The following PSIP1 variants were observed in gnomAD, a reference collection of about 807,000 sequenced individuals.
PSIP1 encodes the protein PC4 and SFRS1-interacting protein.
A neutral mutation model predicts 74.7 loss-of-function variants in PSIP1; 19 were observed. That is an observed-to-expected ratio of 0.25 (90% CI 0.18 to 0.37). The LOEUF (loss-of-function observed/expected upper bound fraction) is 0.37, where lower values mean the gene tolerates loss of function less well. PSIP1 is among the 10% of genes least tolerant of loss of function. The probability of loss-of-function intolerance (pLI) is 1.00; values close to 1 mark genes in which losing one functional copy is unlikely to be tolerated. For synonymous variants in PSIP1, 222 were observed against 195.3 expected, an observed-to-expected ratio of 1.14 and a Z score of -1.14; for missense variants, 601 against 614.3, an observed-to-expected ratio of 0.98 and a Z score of 0.23.
chr9:15,510,096 C>G (rs1229504283), intron 2 of PSIP1, 21 bp downstream of exon 2: 6 of 1,596,862 alleles, frequency 3.8e-6, no homozygotes, highest in African/African-American at 1.4e-5. Flanking sequence ...CTGCTAAGCG[C>G]GAGGGCTACA....
rs2037595696 is a variant in PSIP1 at position 15,506,541 on chromosome 9, T to A, written c.149+20A>T. 6.4e-7 allele frequency: 1 copy of A among 1,566,230 alleles called. No homozygotes were observed. Among genetic ancestry groups the A allele is most frequent in the South Asian group, 1.1e-5 (1 of 89,722 alleles). ...CTGTTAAATTAGCTCTGATTTGCCTTTAAAGCTAACAGGACTTACGTCTCA... is the reference window on the plus strand; with the variant it reads ...CTGTTAAATTAGCTCTGATTTGCCTATAAAGCTAACAGGACTTACGTCTCA... On this transcript the variant is annotated intron_variant, in intron 3 of 15. Coordinates refer to ENST00000380733, the MANE Select transcript of PSIP1 (RefSeq NM_033222.5).
intron 3 of PSIP1, among the ~76,000 whole-genome samples, chr9:15,496,737 T>C (rs2037092673): frequency 6.6e-6 from 1 of 152,242 alleles, no homozygotes; most frequent in Non-Finnish European, 1.5e-5. Context: ...AATAACTATG[T>C]TCTTCCAACT....
In PSIP1 at chr9:15,479,694, T is replaced by C. The variant is rs760231663; in HGVS notation, c.457-7A>G. 17 of 1,607,028 alleles carry C rather than the reference T, an allele frequency of 1.1e-5. No individual in the cohort carries two copies. In the East Asian group the frequency reaches 3.6e-4, roughly 34 times the overall value. The stretch of plus-strand genomic sequence containing the variant: ...TTTCTACTTGTTTTTCTGCCTGAAT[T>C]ACAAAAATTTAATTAACTTATTTAG... On this transcript the variant is annotated splice_region_variant and splice_polypyrimidine_tract_variant and intron_variant, in intron 6 of 15. Transcript: ENST00000380733.
chr9:15,500,782 AG>A (rs1347297938), intron 3 of PSIP1, among the ~76,000 whole-genome samples: 1 of 152,226 alleles, frequency 6.6e-6, no homozygotes, highest in East Asian at 1.9e-4. Flanking sequence ...AGCAGTAAGG[AG>A]GAAAAAACAG....
At chr9:15,483,769 G>C (rs116350549) in intron 6 of PSIP1, among the ~76,000 whole-genome samples, 1 of 152,110 alleles carries the variant, frequency 6.6e-6, no homozygotes, top group African/African-American at 2.4e-5. Context: ...TAAGGAAGGC[G>C]GATCACAAGG....
At chr9:15,466,714 A>G (rs779475899) in intron 15 of PSIP1, 34 bp downstream of exon 15, 2 of 1,514,568 alleles carry the variant, frequency 1.3e-6, no homozygotes, top group Non-Finnish European at 1.8e-6. Context: ...GAATAATAAA[A>G]AACACACAAG....
chr9:15,502,140 C>T (rs1271050769), intron 3 of PSIP1, among the ~76,000 whole-genome samples: 1 of 152,062 alleles, frequency 6.6e-6, no homozygotes. Context: ...GTTTTCATCC[C>T]AAAACCATCC....
chr9:15,491,184 C>G (rs1336592415), intron 3 of PSIP1, among the ~76,000 whole-genome samples: 2 of 152,218 alleles, frequency 1.3e-5, no homozygotes, highest in Non-Finnish European at 2.9e-5. Context: ...TGCGCTTTCT[C>G]TGTAAAGCAC....
At position 15,473,841 on chromosome 9, in the gene PSIP1, C is replaced by T. The variant is rs2035947294; in HGVS notation, c.858+168G>A. Among the ~76,000 whole-genome samples the T allele has an allele frequency of 2.8e-5, 4 of 143,638 alleles. No homozygotes were observed. In the South Asian group the frequency reaches 6.5e-4, roughly 23 times the overall value. The allele number at this position is 143,638 out of a possible 152,430, so 94.2% of individuals were successfully genotyped here. ...ACTTGAATCCAGGAGGCAGAGGTTG[C>T]AGTGAACCAAGATTGTGCCACTGCA... On this transcript the variant is annotated intron_variant, in intron 9 of 15. Transcript: ENST00000380733.
At chr9:15,502,562 G>C (rs768040337) in intron 3 of PSIP1, among the ~76,000 whole-genome samples, 2 of 152,172 alleles carry the variant, frequency 1.3e-5, no homozygotes, top group Non-Finnish European at 1.5e-5. Flanking sequence ...ACATGTCCCA[G>C]TGTGCCCAAC....
chr9:15,466,902 A>G, intron 14 of PSIP1, 43 bp from the exon 15 acceptor site: 3 of 1,468,778 alleles, frequency 2.0e-6, no homozygotes, highest in East Asian at 2.3e-5. Flanking sequence ...AAAGCTTACA[A>G]AACAATAATT....
At chr9:15,472,827 A>G (rs937934655) in intron 9 of PSIP1, 77 bp from the exon 10 acceptor site, 37 of 1,355,314 alleles carry the variant, frequency 2.7e-5, no homozygotes, top group Non-Finnish European at 3.7e-5. Context: ...ATCTTGGGGG[A>G]AAAGCAGCAG....
chr9:15,485,160 C>A (rs1156532836), intron 6 of PSIP1, among the ~76,000 whole-genome samples: 1 of 152,110 alleles, frequency 6.6e-6, no homozygotes, highest in Admixed American at 6.6e-5. Context: ...TCTGTAAGTT[C>A]CAAGGTCTTT....
At chr9:15,469,480 T>G (rs763545008) in intron 11 of PSIP1, 144 bp from the exon 12 acceptor site, 77 of 560,926 alleles carry the variant, frequency 1.4e-4, no homozygotes, top group Non-Finnish European at 2.1e-4. Context: ...ATATGCACAA[T>G]AGCTTAACTA....
At chr9:15,476,366 G>A (rs1033088421) in intron 8 of PSIP1, among the ~76,000 whole-genome samples, 8 of 152,148 alleles carry the variant, frequency 5.3e-5, no homozygotes, top group African/African-American at 7.2e-5. Flanking sequence ...CTGTTGGACC[G>A]CAGCAGAAAT....
At chr9:15,475,919 C>G (rs925928585) in intron 8 of PSIP1, among the ~76,000 whole-genome samples, 3 of 152,156 alleles carry the variant, frequency 2.0e-5, no homozygotes, top group Non-Finnish European at 4.4e-5. Flanking sequence ...AATGCAAACA[C>G]AACCCTAAGA....
intron 8 of PSIP1, among the ~76,000 whole-genome samples, chr9:15,477,340 T>C (rs1263441173): frequency 1.3e-5 from 2 of 152,230 alleles, no homozygotes; most frequent in African/African-American, 4.8e-5. Context: ...ATTTTTATTT[T>C]GTGGTGAGAA....
intron 2 of PSIP1, 76 bp downstream of exon 2, chr9:15,510,041 T>G: frequency 1.4e-6 from 2 of 1,405,302 alleles, no homozygotes; most frequent in Admixed American, 1.9e-5. Flanking sequence ...GAAGAAAAAA[T>G]AAAGAGACAC....
chr9:15,466,204 C>G (rs1365421976), intron 15 of PSIP1, among the ~76,000 whole-genome samples: 1 of 152,206 alleles, frequency 6.6e-6, no homozygotes, highest in South Asian at 2.1e-4. Context: ...ATGGTGAAAC[C>G]TCATCTCTAC....
Sources: allele counts gnomAD v4.1 joint callset (sites outside exome capture counted in the v4.1 genomes callset), GRCh38; gene constraint gnomAD v4.1.1; transcripts MANE v1.5; gene names NCBI Gene and HGNC (gene_info 2026-07-23, HGNC 2026-07-21).